AFAP1: variants seen among roughly 807,000 people sequenced by gnomAD.
AFAP1 encodes the protein actin filament-associated protein 1.
A neutral mutation model predicts 93.9 loss-of-function variants in AFAP1; 75 were observed. That is an observed-to-expected ratio of 0.80 (90% CI 0.66 to 0.97). AFAP1 has a LOEUF of 0.97. Among genes scored for constraint, AFAP1 ranks in the 50% least tolerant of loss-of-function variants. The probability of loss-of-function intolerance (pLI) is 0.00; values close to 1 mark genes in which losing one functional copy is unlikely to be tolerated. For synonymous variants in AFAP1, 517 were observed against 430.7 expected (o/e 1.20, Z -2.48); for missense variants, 1,201 against 1,050.8 (o/e 1.14, Z -1.98).
chr4:7,820,507 A>G (rs909918399), intron 6 of AFAP1, among the ~76,000 whole-genome samples: 2 of 152,124 alleles, frequency 1.3e-5, no homozygotes, highest in African/African-American at 4.8e-5. Flanking sequence ...GAAGCTGGTA[A>G]AAGATGCTGA....
At chr4:7,801,168 G>A (rs2149031845) in intron 9 of AFAP1, among the ~76,000 whole-genome samples, 1 of 152,346 alleles carries the variant, frequency 6.6e-6, no homozygotes, top group Non-Finnish European at 1.5e-5. Flanking sequence ...GGCCCTGGGA[G>A]GCACTAAGAT....
chr4:7,886,168 G>A (rs35154266), intron 1 of AFAP1, among the ~76,000 whole-genome samples: 17,419 of 152,212 alleles, frequency 0.11, 1,155 homozygotes, highest in Non-Finnish European at 0.16. Context: ...TGAACGACTG[G>A]ATGATTTTGA....
intron 1 of AFAP1, among the ~76,000 whole-genome samples, chr4:7,882,102 T>C (rs1277911644): frequency 6.6e-6 from 1 of 152,088 alleles, no homozygotes; most frequent in Non-Finnish European, 1.5e-5. Context: ...CCTCCTGTCC[T>C]CTAAAACTAT....
intron 3 of AFAP1, among the ~76,000 whole-genome samples, chr4:7,859,872 C>A (rs532054202): frequency 7.3e-4 from 111 of 152,224 alleles, no homozygotes; most frequent in African/African-American, 2.6e-3. Context: ...AAAGAATTCA[C>A]AGAGAATTCT....
rs765124068 is a variant in AFAP1 at position 7,781,695 on chromosome 4, A to G, written c.1531-68T>C. The stretch of plus-strand genomic sequence containing the variant: ...AAACAGCAGCTTTTAGCACAGTGAG[A>G]TGTCATTTATTAATAGTACGGCATT... On this transcript the variant is annotated intron_variant, in intron 12 of 17. Coordinates refer to ENST00000420658, the MANE Select transcript of AFAP1 (RefSeq NM_001134647.2). 3.3e-6 allele frequency: 5 copies of G among 1,527,192 alleles called. No homozygotes were observed. In the African/African-American group the frequency reaches 6.9e-5, roughly 21 times the overall value. 94.6% of individuals were successfully genotyped at this position (1,527,192 alleles called of 1,614,324 possible).
chr4:7,914,751 T>G (rs1435425714), intron 1 of AFAP1, among the ~76,000 whole-genome samples: 1 of 152,106 alleles, frequency 6.6e-6, no homozygotes, highest in African/African-American at 2.4e-5. Context: ...TAGCTTACTC[T>G]TATTCTTTTT....
rs1713427810 is a variant in AFAP1 at position 7,759,211 on chromosome 4, CT to C, written c.*4553del. 6.6e-6 allele frequency: 1 copy of C among 152,586 alleles called. No homozygotes were observed. Among genetic ancestry groups the C allele is most frequent in the Non-Finnish European group, 1.5e-5 (1 of 68,040 alleles). The allele number at this position is 152,586 out of a possible 1,614,324, so 9.5% of individuals were successfully genotyped here. On this transcript the variant is annotated 3_prime_UTR_variant, in exon 18 of 18. Coordinates refer to ENST00000420658, the MANE Select transcript of AFAP1 (RefSeq NM_001134647.2). ...AAAAAGATTATCTCATTAAAAACAC[CT>C]TTGGTCCTAAGACTTATGATCTGAA...
chr4:7,863,137 C>G (rs140023199), intron 3 of AFAP1, among the ~76,000 whole-genome samples: 1 of 152,206 alleles, frequency 6.6e-6, no homozygotes, highest in African/African-American at 2.4e-5. Flanking sequence ...TTTGAAAAGC[C>G]AGGCGCGGTG....
At chr4:7,791,843 AAAAAAAAAC>A (rs1717883918) in intron 11 of AFAP1, among the ~76,000 whole-genome samples, 2 of 40,742 alleles carry the variant, frequency 4.9e-5, no homozygotes, top group African/African-American at 3.2e-4. Flanking sequence ...ACCCTTAATC[AAAAAAAAAC>A]AAAAACAAAA....
chr4:7,915,898 C>CTTTTTTTTTTAATTTTTAAT (rs1224099873), intron 1 of AFAP1, among the ~76,000 whole-genome samples: 3 of 152,216 alleles, frequency 2.0e-5, no homozygotes, highest in African/African-American at 7.2e-5. Context: ...AAAATAATTA[C>CTTTTTTTTTTAATTTTTAAT]TTAATTTTTA....
chr4:7,905,961 A>G (rs1487228853), intron 1 of AFAP1, among the ~76,000 whole-genome samples: 1 of 152,048 alleles, frequency 6.6e-6, no homozygotes, highest in Non-Finnish European at 1.5e-5. Context: ...GGCAGGAGAC[A>G]CCCCCACGCA....
intron 1 of AFAP1, among the ~76,000 whole-genome samples, chr4:7,927,018 A>G (rs1720805696): frequency 6.6e-6 from 1 of 152,188 alleles, no homozygotes; most frequent in South Asian, 2.1e-4. Flanking sequence ...CAGCTCAGGC[A>G]TCCTGACCTT....
rs756463591 is a variant in AFAP1, at chr4:7,772,994, C to T, written c.2079G>A (p.Ala693=). The change falls in exon 16 of 18, where the codon GCG becomes GCA. Residue 693 remains alanine, a synonymous_variant. Transcript: ENST00000420658. ...GCTGCTTCAGCTTCTCCTCCAGGAT[C>T]GCCTGCGGCTTCCTGCCTGGAATTC... ...IEVNAGRKPQ[A]ILEEKLKQLE... 7.5e-6 allele frequency: 12 copies of T among 1,610,374 alleles called. No individual in the cohort carries two copies. The highest frequency in any genetic ancestry group is 3.3e-5 in the Admixed American group (2 of 59,990).
chr4:7,886,954 A>T (rs1577334878), intron 1 of AFAP1, among the ~76,000 whole-genome samples: 1 of 152,226 alleles, frequency 6.6e-6, no homozygotes, highest in Non-Finnish European at 1.5e-5. Context: ...ATTTAAAGAC[A>T]AGTGAGATGT....
At chr4:7,877,964 G>C (rs28716569) in intron 1 of AFAP1, among the ~76,000 whole-genome samples, 77 of 152,156 alleles carry the variant, frequency 5.1e-4, no homozygotes, top group Non-Finnish European at 9.3e-4. Context: ...GCTGGTGCCT[G>C]ACTACGTTCA....
intron 12 of AFAP1, among the ~76,000 whole-genome samples, chr4:7,783,730 A>G (rs1489521868): frequency 2.6e-5 from 4 of 152,230 alleles, no homozygotes; most frequent in Non-Finnish European, 4.4e-5. Context: ...AAGTCTGAAT[A>G]AAACGGGCTG....
At chr4:7,935,657 C>T (rs943394268) in intron 1 of AFAP1, among the ~76,000 whole-genome samples, 6 of 152,130 alleles carry the variant, frequency 3.9e-5, no homozygotes, top group African/African-American at 1.4e-4. Flanking sequence ...AGAGAAGTCG[C>T]ATCAGTCCTT....
intron 1 of AFAP1, among the ~76,000 whole-genome samples, chr4:7,930,500 G>A (rs1721009111): frequency 6.6e-6 from 1 of 152,198 alleles, no homozygotes; most frequent in South Asian, 2.1e-4. Flanking sequence ...GGTCTTTCTG[G>A]CAACCAGCCC....
rs1215354895 is a variant in AFAP1, at chr4:7,771,092, A to G, written c.2253+1728T>C. Among the ~76,000 whole-genome samples the G allele has an allele frequency of 2.6e-5, 4 of 152,210 alleles. No individual in the cohort carries two copies. In the East Asian group the frequency reaches 7.7e-4, roughly 29 times the overall value. On this transcript the variant is annotated intron_variant, in intron 16 of 17. Transcript: ENST00000420658. Reference sequence around the variant, plus strand: ...AGCACTGTTTCACTGTTCTCCACAGATCTGTCCGCATCTGACACCAACGTG... The same window carrying G: ...AGCACTGTTTCACTGTTCTCCACAGGTCTGTCCGCATCTGACACCAACGTG...
Sources: gnomAD v4.1 joint callset for allele counts (sites outside exome capture counted in the v4.1 genomes callset) on GRCh38, gnomAD v4.1.1 for gene constraint, MANE v1.5 for transcripts, NCBI Gene and HGNC (gene_info 2026-07-23, HGNC 2026-07-21) for gene names.